The following FUZ variants were observed in gnomAD, a reference collection of about 807,000 sequenced individuals.
The protein encoded by FUZ is protein fuzzy homolog.
In FUZ, 31 loss-of-function variants were observed where a neutral mutation model predicts 43.1. That is an observed-to-expected ratio of 0.72 (90% confidence interval 0.54 to 0.97). The LOEUF (loss-of-function observed/expected upper bound fraction) is 0.97, where lower values mean the gene tolerates loss of function less well. Among genes scored for constraint, FUZ ranks in the 50% least tolerant of loss-of-function variants. The pLI is 0.00. For synonymous variants in FUZ, 274 were observed against 250.0 expected, an observed-to-expected ratio of 1.10 and a Z score of -0.91; for missense variants, 539 against 543.8, an observed-to-expected ratio of 0.99 and a Z score of 0.09.
chr19:49,810,856 G>A (rs935021480), intron 5 of FUZ, among the ~76,000 whole-genome samples: 10 of 151,032 alleles, frequency 6.6e-5, no homozygotes, highest in African/African-American at 2.4e-4. Context: ...TCTCAGAAAA[G>A]AAAGAAAGAT....
Position 49,807,895 on chromosome 19 carries a change from C to T in FUZ, c.1033+519G>A, listed in dbSNP as rs117914453. 1.1e-3 allele frequency among the ~76,000 whole-genome samples: 168 copies of T among 152,242 alleles called. 2 individuals are homozygous for T. In the East Asian group the frequency reaches 0.024, roughly 22 times the overall value. On this transcript the variant is annotated intron_variant, in intron 10 of 10. Coordinates refer to ENST00000313777, the MANE Select transcript of FUZ (RefSeq NM_025129.5). ...TCTTTCTGGGCCCTTAAGGGTTCTA[C>T]GACAATTTTTCCGTTCTAACCCAGA...
Position 49,809,308 on chromosome 19 carries a change from C to A in FUZ, c.691-50G>T. On this transcript the variant is annotated intron_variant, in intron 6 of 10. Coordinates refer to ENST00000313777, the MANE Select transcript of FUZ (RefSeq NM_025129.5). This position sits in a 1 kb window ranked among gnomAD's most constrained non-coding sequence, Gnocchi z 5.1. ...TCATCGCGGCCCGGCCCCTTTCCAT[C>A]GCAGATCCCGCCTCCTCGCGACTCG... The A allele has an allele frequency of 6.5e-7, 1 of 1,548,690 alleles. No homozygotes were observed. The highest frequency in any genetic ancestry group is 8.7e-7 in the Non-Finnish European group (1 of 1,146,482).
rs758453229 is a variant in FUZ at position 49,812,299 on chromosome 19, G to A, written c.270C>T (p.Ile90=). 7.4e-6 allele frequency: 12 copies of A among 1,613,984 alleles called. No homozygotes were observed. In the East Asian group the frequency reaches 2.7e-4, roughly 36 times the overall value. ...GTAGTCTCTCCAGCCTCAGCTCAGA[G>A]ATGCCCACCTCAGATGACAGAACAA... The part of the protein sequence containing the change: ...TLIVLSSEVG[I]SELRLERLLQ... Residue 90 remains isoleucine (I), a synonymous_variant, in exon 3 of 11, where the codon ATC becomes ATT. Coordinates refer to ENST00000313777, the MANE Select transcript of FUZ (RefSeq NM_025129.5).
In FUZ at chr19:49,813,263, C is replaced by T; in HGVS notation, c.-157G>A. The stretch of plus-strand genomic sequence containing the variant: ...TTAACTTCCCGCCTTCTTCACCCAA[C>T]TCAAACAGACCCTCAAACCCTATTC... On this transcript the variant is annotated 5_prime_UTR_variant, in exon 1 of 11. Coordinates refer to ENST00000313777, the MANE Select transcript of FUZ (RefSeq NM_025129.5). 1.4e-6 allele frequency: 1 copy of T among 737,718 alleles called. No homozygotes were observed. The highest frequency in any genetic ancestry group is 2.4e-6 in the Non-Finnish European group (1 of 415,346). 45.7% of individuals were successfully genotyped at this position (737,718 alleles called of 1,614,324 possible). A position where few individuals can be genotyped will look rare whatever the true frequency, so the allele number is the denominator to read the frequency against.
At chr19:49,810,466 C>T (rs1028865990) in intron 5 of FUZ, among the ~76,000 whole-genome samples, 21 of 151,178 alleles carry the variant, frequency 1.4e-4, no homozygotes, top group African/African-American at 4.6e-4. Flanking sequence ...CGAGGTCAGG[C>T]GTTCAAGACC....
At position 49,808,560 on chromosome 19, in the gene FUZ, CT is replaced by C. The variant is rs746400647; in HGVS notation, c.958+13del. 68 of 1,603,220 alleles carry C rather than the reference CT, an allele frequency of 4.2e-5. No homozygotes were observed. The South Asian group carries it at 7.4e-4, about 17-fold the overall frequency. On this transcript the variant is annotated intron_variant, in intron 9 of 10. Transcript: ENST00000313777. ...GCCCCTCCTACCCCTGCCCCTGCCC[CT>C]GTCCTCAGTCACCTTTATCCCCCAA... is the stretch of plus-strand genomic sequence containing the variant.
In FUZ at chr19:49,809,887, AG is replaced by A; in HGVS notation, c.493-313del. On this transcript the variant is annotated intron_variant, in intron 5 of 10. Coordinates refer to ENST00000313777, the MANE Select transcript of FUZ (RefSeq NM_025129.5). This position sits in a 1 kb window ranked among gnomAD's most constrained non-coding sequence, Gnocchi z 5.1. ...TGTTACATGCCGAGTAGGCACCATT[AG>A]CAACGTAGAGAAGCCAAGTCACCTG... 2.1e-6 allele frequency: 1 copy of A among 468,352 alleles called. No homozygotes were observed. The highest frequency in any genetic ancestry group is 3.9e-6 in the Non-Finnish European group (1 of 254,182). 29.0% of individuals were successfully genotyped at this position (468,352 alleles called of 1,614,324 possible).
At chr19:49,811,837 G>C (rs1465919811) in intron 3 of FUZ, 138 bp from the exon 4 acceptor site, 1 of 802,486 alleles carries the variant, frequency 1.2e-6, no homozygotes, top group African/African-American at 1.7e-5. Flanking sequence ...GCCGGGCGCG[G>C]AGGCTCATGC....
chr19:49,808,691 A>T, intron 8 of FUZ, 26 bp downstream of exon 8: 1 of 1,602,370 alleles, frequency 6.2e-7, no homozygotes, highest in Middle Eastern at 1.7e-4. Flanking sequence ...ATGACCCCCG[A>T]CCCACTCCCT....
At position 49,810,369 on chromosome 19, in the gene FUZ, T is replaced by TA. The variant is rs909855995; in HGVS notation, c.493-795dup. On this transcript the variant is annotated intron_variant, in intron 5 of 10. Coordinates refer to ENST00000313777, the MANE Select transcript of FUZ (RefSeq NM_025129.5). ...CCATCCCCAACCCTAGTCCATCTCT[T>TA]AAAAAAAAAAATAGCTGAATGTCAG... Among the ~76,000 whole-genome samples the TA allele has an allele frequency of 8.7e-4, 127 of 146,004 alleles. No homozygotes were observed. In the Middle Eastern group the frequency reaches 0.011, roughly 12 times the overall value.
Position 49,809,993 on chromosome 19 carries a change from T to C in FUZ, c.493-418A>G. On this transcript the variant is annotated intron_variant, in intron 5 of 10. Transcript: ENST00000313777. The surrounding 1 kb of genome is among the most constrained non-coding windows in gnomAD (Gnocchi z 5.1). ...ATTTAAGTAGAGGTAGCTAGAGATCTGAGAGGCAGGAGGAAGAACATGCAC... is the reference window on the plus strand; with the variant it reads ...ATTTAAGTAGAGGTAGCTAGAGATCCGAGAGGCAGGAGGAAGAACATGCAC... 3.2e-6 allele frequency: 1 copy of C among 314,212 alleles called. No homozygotes were observed. The highest frequency in any genetic ancestry group is 4.8e-5 in the Admixed American group (1 of 20,982). 19.5% of individuals were successfully genotyped at this position (314,212 alleles called of 1,614,324 possible). A position where few individuals can be genotyped will look rare whatever the true frequency, so the allele number is the denominator to read the frequency against.
chr19:49,809,335 C>A lies in FUZ; in HGVS notation c.690+43G>T, dbSNP rs964273556. 37 of 1,546,438 alleles carry A rather than the reference C, an allele frequency of 2.4e-5. No homozygotes were observed. Among genetic ancestry groups the A allele is most frequent in the Non-Finnish European group, 3.1e-5 (35 of 1,146,572 alleles). ...CAGATCCCGCCTCCTCGCGACTCGG[C>A]CCCCAGGTCACATCCCTCCGTCGGT... On this transcript the variant is annotated intron_variant, in intron 6 of 10. Coordinates refer to ENST00000313777, the MANE Select transcript of FUZ (RefSeq NM_025129.5). This position sits in a 1 kb window ranked among gnomAD's most constrained non-coding sequence, Gnocchi z 5.1.
chr19:49,807,028 C>CCCCCCCCCCCGTTTT lies in FUZ; in HGVS notation c.*122_*123insAAAACGGGGGGGGGG. 1 of 1,499,068 alleles carries CCCCCCCCCCCGTTTT rather than the reference C, an allele frequency of 6.7e-7. No homozygotes were observed. The highest frequency in any genetic ancestry group is 2.0e-5 in the Admixed American group (1 of 50,216). 92.9% of individuals were successfully genotyped at this position (1,499,068 alleles called of 1,614,324 possible). On this transcript the variant is annotated 3_prime_UTR_variant, in exon 11 of 11. Transcript: ENST00000313777. ...GGGAAGTGGATGTCTCCTCCCCTCC[C>CCCCCCCCCCCGTTTT]ACCCCACCCTGTTGTAGCCCCTCCT...
In FUZ at chr19:49,808,601, A is replaced by G; in HGVS notation, c.931T>C (p.Phe311Leu). The change falls in exon 9 of 11, where the codon TTC becomes CTC. Residue 311 changes from phenylalanine (F) to leucine (L), a missense_variant. Coordinates refer to ENST00000313777, the MANE Select transcript of FUZ (RefSeq NM_025129.5). Reference protein sequence around the residue: ...LLHLELKRCLFTVEPLGDKEP... With the variant: ...LLHLELKRCLLTVEPLGDKEP... ...TTATCCCCCAAGGGCTCCACGGTGA[A>G]GAGGCAGCGCTTCAGTTCCAGGTGG... The G allele has an allele frequency of 6.2e-7, 1 of 1,613,066 alleles. No individual in the cohort carries two copies. The highest frequency in any genetic ancestry group is 1.3e-5 in the African/African-American group (1 of 75,068).
At position 49,809,415 on chromosome 19, in the gene FUZ, CG is replaced by C. The variant is rs1304180150; in HGVS notation, c.652del (p.Arg218AlafsTer19). The C allele has an allele frequency of 1.3e-5, 20 of 1,543,360 alleles. No homozygotes were observed. The highest frequency in any genetic ancestry group is 1.7e-5 in the Non-Finnish European group (20 of 1,146,920). ...GTGCGGCAGGTACACCGGGTAGTCGCGAGCGGTCTGCGGCGGCAGGGACCCC... is the reference window on the plus strand; with the variant it reads ...GTGCGGCAGGTACACCGGGTAGTCGCAGCGGTCTGCGGCGGCAGGGACCCC... Reference protein sequence around the residue: ...LVGSLPPQTARDYPVYLPHGS... With the variant: ...LVGSLPPQTAXDYPVYLPHGS... On this transcript the variant is annotated frameshift_variant, in exon 6 of 11. Transcript: ENST00000313777. LOFTEE classifies it high-confidence loss of function. This position sits in a 1 kb window ranked among gnomAD's most constrained non-coding sequence, Gnocchi z 5.1.
rs918571073 is a variant in FUZ at position 49,809,644 on chromosome 19, T to C, written c.493-69A>G. On this transcript the variant is annotated intron_variant, in intron 5 of 10. Transcript: ENST00000313777. This position sits in a 1 kb window ranked among gnomAD's most constrained non-coding sequence, Gnocchi z 5.1. ...TAGGGGGTGGCAGCGACTTCCCAGA[T>C]GGGCAGGGAATGGGGAGAAACCCAC... The C allele has an allele frequency of 8.8e-6, 13 of 1,485,196 alleles. No individual in the cohort carries two copies. Among genetic ancestry groups the C allele is most frequent in the Non-Finnish European group, 1.2e-5 (13 of 1,101,434 alleles). The allele number at this position is 1,485,196 out of a possible 1,614,324, so 92.0% of individuals were successfully genotyped here.
intron 10 of FUZ, among the ~76,000 whole-genome samples, 173 bp from the exon 11 acceptor site, chr19:49,807,547 C>A (rs914474385): frequency 1.3e-5 from 2 of 152,176 alleles, no homozygotes; most frequent in Non-Finnish European, 2.9e-5. Context: ...ACTTGAAGAC[C>A]ACAATGATGT....
At position 49,811,640 on chromosome 19, in the gene FUZ, C is replaced by A; in HGVS notation, c.378G>T (p.Lys126Asn). 2 of 1,614,146 alleles carry A rather than the reference C, an allele frequency of 1.2e-6. No homozygotes were observed. The highest frequency in any genetic ancestry group is 1.7e-6 in the Non-Finnish European group (2 of 1,179,990). ...TGTCCTGCAACCTCACCCTCAAGTC[C>A]TTCTTCAGTCTCTCCACGTTGCGGA... ...TNIRNVERLK[K>N]DLRASYCLID... Residue 126 changes from lysine to asparagine, a missense_variant, in exon 4 of 11, where the codon AAG (lysine) becomes AAT (asparagine). Transcript: ENST00000313777.
rs1422601530 is a variant in FUZ at position 49,809,986 on chromosome 19, A to G, written c.493-411T>C. On this transcript the variant is annotated intron_variant, in intron 5 of 10. Coordinates refer to ENST00000313777, the MANE Select transcript of FUZ (RefSeq NM_025129.5). This position sits in a 1 kb window ranked among gnomAD's most constrained non-coding sequence, Gnocchi z 5.1. ...GAGCAGTATTTAAGTAGAGGTAGCTAGAGATCTGAGAGGCAGGAGGAAGAA... is the reference window on the plus strand; with the variant it reads ...GAGCAGTATTTAAGTAGAGGTAGCTGGAGATCTGAGAGGCAGGAGGAAGAA... 3.1e-6 allele frequency: 1 copy of G among 323,650 alleles called. No individual in the cohort carries two copies. The highest frequency in any genetic ancestry group is 2.2e-5 in the African/African-American group (1 of 46,098). The allele number at this position is 323,650 out of a possible 1,614,324, so 20.0% of individuals were successfully genotyped here. A position where few individuals can be genotyped will look rare whatever the true frequency, so the allele number is the denominator to read the frequency against.
Sources: gnomAD v4.1 joint callset for allele counts (sites outside exome capture counted in the v4.1 genomes callset) on GRCh38, gnomAD v4.1.1 for gene constraint, Gnocchi (gnomAD v3.1) non-coding constraint, MANE v1.5 for transcripts, NCBI Gene and HGNC (gene_info 2026-07-23, HGNC 2026-07-21) for gene names.